BPIFC: variants seen among roughly 807,000 people sequenced by gnomAD.
The protein encoded by BPIFC is BPI fold-containing family C protein.
In BPIFC, 60 loss-of-function variants were observed where a neutral mutation model predicts 57.6. The observed-to-expected ratio is 1.04, with a 90% CI of 0.85 to 1.29. The LOEUF (loss-of-function observed/expected upper bound fraction) is 1.29. BPIFC is among the 50% of genes most tolerant of loss of function. The pLI is 0.00. For missense variants in BPIFC, 581 were observed against 600.5 expected (o/e 0.97, Z 0.34); for synonymous variants, 243 against 224.5 (o/e 1.08, Z -0.74).
intron 8 of BPIFC, among the ~76,000 whole-genome samples, chr22:32,439,138 CA>C (rs1934491984): frequency 6.6e-6 from 1 of 151,982 alleles, no homozygotes; most frequent in Admixed American, 6.6e-5. Context: ...CCAGCCTGAC[CA>C]ACACGGAGAA....
In BPIFC at chr22:32,464,366, A is replaced by T; in HGVS notation, c.-89+8T>A. 1 of 984,958 alleles carries T rather than the reference A, an allele frequency of 1.0e-6. No individual in the cohort carries two copies. Among genetic ancestry groups the T allele is most frequent in the Non-Finnish European group, 1.2e-6 (1 of 829,614 alleles). 61.0% of individuals were successfully genotyped at this position (984,958 alleles called of 1,614,324 possible). A position where few individuals can be genotyped will look rare whatever the true frequency, so the allele number is the denominator to read the frequency against. ...GGCAGAGACCTGAAGTTTGTTCATG[A>T]GTCTTACCTCAAGCAGAGGAAGTGT... is the stretch of plus-strand genomic sequence containing the variant. On this transcript the variant is annotated splice_region_variant and intron_variant, in intron 1 of 16. Coordinates refer to ENST00000300399, the MANE Select transcript of BPIFC (RefSeq NM_174932.3).
At chr22:32,433,626 A>G in intron 11 of BPIFC, 93 bp downstream of exon 11, 3 of 1,105,750 alleles carry the variant, frequency 2.7e-6, no homozygotes, top group Non-Finnish European at 4.1e-6. Context: ...AGAGGGACTT[A>G]TCCAAAAAGG....
chr22:32,431,439 A>ATTTATTTATTTATTTTTATTTTTTTTT (rs1396021704), intron 12 of BPIFC, 25 bp from the exon 13 acceptor site: 7 of 1,349,506 alleles, frequency 5.2e-6, no homozygotes, highest in Admixed American at 1.8e-5. Flanking sequence ...AGCATTTATT[A>ATTTATTTATTTATTTTTATTTTTTTTT]TTAAGACGAG....
At position 32,432,466 on chromosome 22, in the gene BPIFC, T is replaced by C; in HGVS notation, c.1056A>G (p.Gln352=). Residue 352 remains glutamine (Q), a synonymous_variant, in exon 12 of 17, where the codon CAA becomes CAG. Coordinates refer to ENST00000300399, the MANE Select transcript of BPIFC (RefSeq NM_174932.3). ...GGATGTCCAGGGTGAAATTGCCTGGTTGTAGATTGATTATGGGAGGCTCTG... is the reference window on the plus strand; with the variant it reads ...GGATGTCCAGGGTGAAATTGCCTGGCTGTAGATTGATTATGGGAGGCTCTG... ...MATEPPIINL[Q]PGNFTLDIPA... 1 of 1,613,992 alleles carries C rather than the reference T, an allele frequency of 6.2e-7. No homozygotes were observed. The highest frequency in any genetic ancestry group is 8.5e-7 in the Non-Finnish European group (1 of 1,179,990).
chr22:32,423,573 T>TTTGG (rs1933907387), intron 13 of BPIFC, among the ~76,000 whole-genome samples: 2 of 129,458 alleles, frequency 1.5e-5, no homozygotes, highest in Non-Finnish European at 3.2e-5. Context: ...AGTTGTAGGG[T>TTTGG]GTGGGTGTGT....
intron 10 of BPIFC, among the ~76,000 whole-genome samples, chr22:32,434,240 T>C (rs889387346): frequency 2.0e-5 from 3 of 149,438 alleles, no homozygotes; most frequent in African/African-American, 4.9e-5. Flanking sequence ...TCTTTATTTA[T>C]ATATATTACA....
intron 1 of BPIFC, among the ~76,000 whole-genome samples, chr22:32,463,093 T>C (rs1333725291): frequency 6.6e-6 from 1 of 152,200 alleles, no homozygotes; most frequent in Non-Finnish European, 1.5e-5. Context: ...AATCCAAAAT[T>C]ACAGGCAGGA....
At position 32,453,946 on chromosome 22, in the gene BPIFC, A is replaced by C. The variant is rs568178475; in HGVS notation, c.125-443T>G. Among the ~76,000 whole-genome samples, 70 of 151,984 alleles carry C rather than the reference A, an allele frequency of 4.6e-4. 1 individual carries two copies. The highest frequency in any genetic ancestry group is 2.7e-3 in the South Asian group (13 of 4,810). On this transcript the variant is annotated intron_variant, in intron 3 of 16. Coordinates refer to ENST00000300399, the MANE Select transcript of BPIFC (RefSeq NM_174932.3). ...AACAAACAACAACAACAACAACAAA[A>C]AAAAAAATTAAAAAATTAGCTGGGC...
chr22:32,462,674 G>A (rs1484643210), intron 1 of BPIFC, among the ~76,000 whole-genome samples: 1 of 152,190 alleles, frequency 6.6e-6, no homozygotes, highest in Non-Finnish European at 1.5e-5. Context: ...CCCACAGTAA[G>A]TAAGGCACCT....
chr22:32,429,496 G>A (rs1934169408), intron 13 of BPIFC, among the ~76,000 whole-genome samples: 1 of 139,254 alleles, frequency 7.2e-6, no homozygotes, highest in South Asian at 2.3e-4. Flanking sequence ...GTGAGCCATG[G>A]CAACTGGCCT....
chr22:32,419,431 G>C, intron 13 of BPIFC, 27 bp from the exon 14 acceptor site: 8 of 1,606,068 alleles, frequency 5.0e-6, no homozygotes, highest in Non-Finnish European at 6.8e-6. Flanking sequence ...AAAGTTTAAA[G>C]GATTTGAAAA....
At chr22:32,420,982 G>A (rs1933832537) in intron 13 of BPIFC, among the ~76,000 whole-genome samples, 1 of 152,176 alleles carries the variant, frequency 6.6e-6, no homozygotes, top group African/African-American at 2.4e-5. Context: ...TTTTTATTAG[G>A]AAGAGAAATG....
chr22:32,424,666 T>TCC (rs1933974972), intron 13 of BPIFC, among the ~76,000 whole-genome samples: 1 of 70,858 alleles, frequency 1.4e-5, no homozygotes, highest in African/African-American at 8.8e-5. Flanking sequence ...CTTCTTCTTC[T>TCC]TCTTCTTCTT....
chr22:32,458,138 A>G (rs1935084105), intron 2 of BPIFC, among the ~76,000 whole-genome samples: 1 of 152,054 alleles, frequency 6.6e-6, no homozygotes, highest in Admixed American at 6.5e-5. Flanking sequence ...TATCAGCTAC[A>G]AGGTGTAGAG....
intron 7 of BPIFC, among the ~76,000 whole-genome samples, chr22:32,443,298 G>A (rs557517594): frequency 1.7e-3 from 257 of 152,206 alleles, no homozygotes; most frequent in Non-Finnish European, 2.7e-3. Flanking sequence ...TGCGTAGCTG[G>A]GACTACAGGC....
chr22:32,461,095 C>A (rs1482414007), intron 2 of BPIFC, among the ~76,000 whole-genome samples: 1 of 151,924 alleles, frequency 6.6e-6, no homozygotes, highest in Non-Finnish European at 1.5e-5. Flanking sequence ...AGTGCCAGAT[C>A]ATGGGGAGGA....
chr22:32,415,161 G>C (rs1281109664), intron 16 of BPIFC, among the ~76,000 whole-genome samples: 2 of 152,170 alleles, frequency 1.3e-5, no homozygotes, highest in Non-Finnish European at 2.9e-5. Context: ...TTCACAATAG[G>C]GTTTGTGCTC....
In BPIFC at chr22:32,435,262, A is replaced by ATCATGAAAAAACAAAT. The variant is rs560132546; in HGVS notation, c.924+441_924+442insATTTGTTTTTTCATGA. ...CTAGAACAGTGGTGAGTGGTGAGGT[A>ATCATGAAAAAACAAAT]TTAGCAGAACTGGAAACTTGACAAC... On this transcript the variant is annotated intron_variant, in intron 10 of 16. Coordinates refer to ENST00000300399, the MANE Select transcript of BPIFC (RefSeq NM_174932.3). Among the ~76,000 whole-genome samples, 160 of 152,306 alleles carry ATCATGAAAAAACAAAT rather than the reference A, an allele frequency of 1.1e-3. 2 individuals are homozygous for ATCATGAAAAAACAAAT. The highest frequency in any genetic ancestry group is 3.4e-3 in the African/African-American group (143 of 41,568).
At chr22:32,455,352 C>T (rs1359986744) in intron 3 of BPIFC, among the ~76,000 whole-genome samples, 1 of 151,940 alleles carries the variant, frequency 6.6e-6, no homozygotes, top group Non-Finnish European at 1.5e-5. Context: ...CCTGGCCTTC[C>T]ATTTAAAAAA....
Sources: allele counts gnomAD v4.1 joint callset (sites outside exome capture counted in the v4.1 genomes callset), GRCh38; gene constraint gnomAD v4.1.1; transcripts MANE v1.5; gene names NCBI Gene and HGNC (gene_info 2026-07-23, HGNC 2026-07-21).